The following TAFA2 variants were observed in gnomAD, a reference collection of about 807,000 sequenced individuals.
The protein encoded by TAFA2 is chemokine-like protein TAFA-2.
A neutral mutation model predicts 18.8 loss-of-function variants in TAFA2; 7 were observed. The observed-to-expected ratio is 0.37, with a 90% CI of 0.21 to 0.70. TAFA2 has a LOEUF of 0.70. TAFA2 is among the 30% of genes least tolerant of loss of function. The pLI, the probability that TAFA2 is intolerant of heterozygous loss-of-function variation, is 0.53. For missense variants in TAFA2, 122 were observed against 158.1 expected, an observed-to-expected ratio of 0.77 and a Z score of 1.23; for synonymous variants, 60 against 54.2, an observed-to-expected ratio of 1.11 and a Z score of -0.47.
chr12:62,235,123 T>A, intron 1 of TAFA2: 2 of 643,212 alleles, frequency 3.1e-6, no homozygotes, highest in South Asian at 1.4e-5. Flanking sequence ...ACAGGCATTA[T>A]CTGGGGCCCA....
intron 1 of TAFA2, among the ~76,000 whole-genome samples, chr12:61,884,964 GAAGT>G (rs1875309401): frequency 6.6e-6 from 1 of 151,986 alleles, no homozygotes; most frequent in South Asian, 2.1e-4. Flanking sequence ...TTTCTTAACT[GAAGT>G]AAGACAATAC....
At chr12:62,081,126 T>C (rs574737169) in intron 1 of TAFA2, among the ~76,000 whole-genome samples, 12 of 151,872 alleles carry the variant, frequency 7.9e-5, no homozygotes, top group East Asian at 7.8e-4. Context: ...ACCCGGGAGG[T>C]GGAGCTTGCA....
chr12:62,040,785 T>C (rs907946908), intron 1 of TAFA2, among the ~76,000 whole-genome samples: 2 of 152,132 alleles, frequency 1.3e-5, no homozygotes, highest in African/African-American at 2.4e-5. Flanking sequence ...TAAGAGGCCA[T>C]GTTTAAAGGG....
intron 1 of TAFA2, chr12:62,235,447 G>C: frequency 3.2e-6 from 2 of 628,556 alleles, no homozygotes; most frequent in East Asian, 2.8e-5. Flanking sequence ...GGGCAGCCTG[G>C]TGCGCCGCCT....
Position 62,037,920 on chromosome 12 carries a change from A to G in TAFA2, c.-2+153339T>C, listed in dbSNP as rs560161387. Among the ~76,000 whole-genome samples the G allele has an allele frequency of 1.3e-4, 20 of 152,338 alleles. No individual in the cohort carries two copies. The South Asian group carries it at 3.5e-3, about 27-fold the overall frequency. ...TGCCCAAACCAGTTGTATAGCAGAC[A>G]CTCAATAAATTTTAGAAAAATAAGT... On this transcript the variant is annotated intron_variant, in intron 1 of 4. Transcript: ENST00000416284.
At chr12:62,033,798 T>C (rs759194840) in intron 1 of TAFA2, among the ~76,000 whole-genome samples, 3 of 152,212 alleles carry the variant, frequency 2.0e-5, no homozygotes, top group Non-Finnish European at 4.4e-5. Context: ...CTATGTTCTC[T>C]GGTTAGCCTA....
At chr12:62,081,530 G>A (rs1329446351) in intron 1 of TAFA2, among the ~76,000 whole-genome samples, 1 of 151,794 alleles carries the variant, frequency 6.6e-6, no homozygotes, top group African/African-American at 2.4e-5. Context: ...TGTCACCCAG[G>A]CTGGAGTACG....
intron 2 of TAFA2, among the ~76,000 whole-genome samples, chr12:61,853,628 C>T (rs188797825): frequency 6.6e-6 from 1 of 152,232 alleles, no homozygotes; most frequent in South Asian, 2.1e-4. Flanking sequence ...TAAGTGGGAG[C>T]ATTTCTGAAA....
chr12:61,822,921 C>A (rs564495817), intron 2 of TAFA2, among the ~76,000 whole-genome samples: 1 of 152,184 alleles, frequency 6.6e-6, no homozygotes, highest in Admixed American at 6.5e-5. Flanking sequence ...AGCCTCTAGC[C>A]AAGGTTTATT....
At chr12:62,086,642 G>A (rs554341375) in intron 1 of TAFA2, among the ~76,000 whole-genome samples, 3 of 152,040 alleles carry the variant, frequency 2.0e-5, no homozygotes, top group Admixed American at 2.0e-4. Context: ...AAAAAGGGTA[G>A]GGGGTGGGGA....
At chr12:62,069,211 C>A (rs878941629) in intron 1 of TAFA2, among the ~76,000 whole-genome samples, 2 of 152,138 alleles carry the variant, frequency 1.3e-5, no homozygotes, top group African/African-American at 2.4e-5. Flanking sequence ...GCCTATTAAC[C>A]TTTTTAGTTT....
intron 1 of TAFA2, among the ~76,000 whole-genome samples, chr12:62,236,512 A>G (rs2062838480): frequency 6.6e-6 from 1 of 152,050 alleles, no homozygotes; most frequent in African/African-American, 2.4e-5. Context: ...TGATCTACCC[A>G]CCTCAGCCTC....
At chr12:61,907,886 GC>G (rs1245996777) in intron 1 of TAFA2, among the ~76,000 whole-genome samples, 11 of 152,166 alleles carry the variant, frequency 7.2e-5, no homozygotes. Flanking sequence ...TTTAATGACT[GC>G]CCTATTGAAT....
At chr12:62,017,304 T>C (rs1343518414) in intron 1 of TAFA2, among the ~76,000 whole-genome samples, 1 of 152,206 alleles carries the variant, frequency 6.6e-6, no homozygotes, top group Admixed American at 6.5e-5. Context: ...TAAATGTCTA[T>C]AAAATGGCAC....
At chr12:62,134,620 C>T (rs1348921242) in intron 1 of TAFA2, among the ~76,000 whole-genome samples, 1 of 152,070 alleles carries the variant, frequency 6.6e-6, no homozygotes, top group African/African-American at 2.4e-5. Context: ...TTGTCACAAT[C>T]TACACTTTGT....
rs956882724 is a variant in TAFA2, at chr12:61,839,822, C to T, written c.106+27498G>A. On this transcript the variant is annotated intron_variant, in intron 2 of 4. Coordinates refer to ENST00000416284, the MANE Select transcript of TAFA2 (RefSeq NM_178539.5). ...CATTAGAAGTCCAAACGCAATATACCCAAGTAAAAAATCTCTACATGTACC... is the reference window on the plus strand; with the variant it reads ...CATTAGAAGTCCAAACGCAATATACTCAAGTAAAAAATCTCTACATGTACC... 2.0e-5 allele frequency among the ~76,000 whole-genome samples: 3 copies of T among 151,664 alleles called. No homozygotes were observed. The South Asian group carries it at 6.2e-4, about 32-fold the overall frequency.
At chr12:61,899,607 T>C (rs1876008321) in intron 1 of TAFA2, among the ~76,000 whole-genome samples, 1 of 152,180 alleles carries the variant, frequency 6.6e-6, no homozygotes. Context: ...GTCTCCATGA[T>C]CCAATCACCA....
At chr12:61,958,022 CT>C (rs1878757208) in intron 1 of TAFA2, among the ~76,000 whole-genome samples, 1 of 152,122 alleles carries the variant, frequency 6.6e-6, no homozygotes, top group Non-Finnish European at 1.5e-5. Context: ...ACCCCAGCTC[CT>C]CAGTTAACCT....
rs1555196550 is a variant in TAFA2, at chr12:61,724,801, G to GATGGGTGTATATGTA, written c.385-14385_385-14384insTACATATACACCCAT. ...TGTGTGTGTGTGTGTGTGTGTGTGT[G>GATGGGTGTATATGTA]TATACACCAGATGGGTGTATATGTA... On this transcript the variant is annotated intron_variant, in intron 4 of 4. Coordinates refer to ENST00000416284, the MANE Select transcript of TAFA2 (RefSeq NM_178539.5). Among the ~76,000 whole-genome samples the GATGGGTGTATATGTA allele has an allele frequency of 5.2e-3, 577 of 110,310 alleles. 5 individuals carry two copies. The highest frequency in any genetic ancestry group is 8.1e-3 in the African/African-American group (219 of 26,980). 72.4% of individuals were successfully genotyped at this position (110,310 alleles called of 152,430 possible).
Sources: gnomAD v4.1 joint callset for allele counts (sites outside exome capture counted in the v4.1 genomes callset) on GRCh38, gnomAD v4.1.1 for gene constraint, MANE v1.5 for transcripts, NCBI Gene and HGNC (gene_info 2026-07-23, HGNC 2026-07-21) for gene names.